Variants in CHD9 observed in about 807,000 individuals in gnomAD.
The protein encoded by CHD9 is ATP-dependent chromatin remodeler CHD9.
Under a neutral mutation model 316.1 loss-of-function variants are expected in CHD9, and 77 were observed. The ratio of observed to expected loss-of-function variants is 0.24; its 90% CI spans 0.20 to 0.29. CHD9 has a LOEUF of 0.29. Ranked by LOEUF, CHD9 falls within the 10% of genes least tolerant of loss-of-function variation. The pLI, the probability that CHD9 is intolerant of heterozygous loss-of-function variation, is 1.00. For synonymous variants in CHD9, 1,129 were observed against 1,158.3 expected, an observed-to-expected ratio of 0.97 and a Z score of 0.51; for missense variants, 2,763 against 3,438.1, an observed-to-expected ratio of 0.80 and a Z score of 4.91.
chr16:53,256,610 A>G (rs1043632487), intron 19 of CHD9, among the ~76,000 whole-genome samples: 1 of 148,568 alleles, frequency 6.7e-6, no homozygotes, highest in Non-Finnish European at 1.5e-5. Context: ...GGCATGAGCC[A>G]CCATGCCTGG....
At chr16:53,167,009 C>T (rs1289285216) in intron 2 of CHD9, among the ~76,000 whole-genome samples, 1 of 141,382 alleles carries the variant, frequency 7.1e-6, no homozygotes, top group Non-Finnish European at 1.6e-5. Context: ...CTTGCTGTCA[C>T]ATAACTAGTT....
chr16:53,067,341 C>T (rs1017442716), intron 1 of CHD9, among the ~76,000 whole-genome samples: 1 of 152,130 alleles, frequency 6.6e-6, no homozygotes, highest in Non-Finnish European at 1.5e-5. Flanking sequence ...GATATTGATA[C>T]ATTATTATTA....
chr16:53,067,456 T>A (rs2033628607), intron 1 of CHD9, among the ~76,000 whole-genome samples: 1 of 152,192 alleles, frequency 6.6e-6, no homozygotes, highest in Non-Finnish European at 1.5e-5. Context: ...TCTTTTTTTT[T>A]ATACCAACAA....
intron 1 of CHD9, among the ~76,000 whole-genome samples, chr16:53,108,736 A>G (rs748140395): frequency 2.0e-5 from 3 of 151,370 alleles, no homozygotes; most frequent in Non-Finnish European, 1.5e-5. Flanking sequence ...TTAGCCAGGC[A>G]TGGTGGTGGG....
intron 27 of CHD9, 65 bp from the exon 28 acceptor site, chr16:53,291,660 T>G: frequency 1.8e-6 from 2 of 1,108,002 alleles, no homozygotes. Flanking sequence ...TTTGATTCTC[T>G]TTTCTTTTTT....
chr16:53,266,638 C>G (rs2051727268), intron 20 of CHD9, among the ~76,000 whole-genome samples: 1 of 152,148 alleles, frequency 6.6e-6, no homozygotes, highest in South Asian at 2.1e-4. Flanking sequence ...ACTTTGGATT[C>G]CTTATGAGTA....
At chr16:53,308,058 T>A in intron 33 of CHD9, 105 bp downstream of exon 33, 1 of 952,462 alleles carries the variant, frequency 1.0e-6, no homozygotes, top group Non-Finnish European at 1.5e-6. Context: ...TTCACATACC[T>A]GTTTCTTGGT....
chr16:53,145,914 T>G (rs564833608), intron 1 of CHD9, among the ~76,000 whole-genome samples: 2 of 152,226 alleles, frequency 1.3e-5, no homozygotes, highest in South Asian at 4.1e-4. Context: ...ACATGCTAGC[T>G]ACAACATGGA....
At chr16:53,143,134 CTG>C (rs2040255203) in intron 1 of CHD9, among the ~76,000 whole-genome samples, 1 of 152,150 alleles carries the variant, frequency 6.6e-6, no homozygotes. Context: ...CCTCGAAACA[CTG>C]TTGCTTTGAG....
chr16:53,255,654 G>A lies in CHD9; in HGVS notation c.4084G>A (p.Gly1362Ser). 1.9e-6 allele frequency: 3 copies of A among 1,613,834 alleles called. No homozygotes were observed. Among genetic ancestry groups the A allele is most frequent in the Non-Finnish European group, 2.5e-6 (3 of 1,179,780 alleles). The change falls in exon 19 of 39, where the codon GGT (glycine) becomes AGT (serine). Residue 1362 changes from glycine (G) to serine (S), a missense_variant. Physicochemically the swap from Gly to Ser is moderately conservative, Grantham distance 56. Coordinates refer to ENST00000447540, the MANE Select transcript of CHD9 (RefSeq NM_001308319.2). Reference protein sequence around the residue: ...IEDLLRRGAYGAIMEEEDEGS... With the variant: ...IEDLLRRGAYSAIMEEEDEGS... Reference sequence around the variant, plus strand: ...AGATCTGCTTCGAAGAGGTGCTTATGGTGCTATTATGGAGGAAGAAGATGA... The same window carrying A: ...AGATCTGCTTCGAAGAGGTGCTTATAGTGCTATTATGGAGGAAGAAGATGA...
intron 2 of CHD9, among the ~76,000 whole-genome samples, chr16:53,160,128 T>G (rs991368140): frequency 6.6e-6 from 1 of 152,222 alleles, no homozygotes; most frequent in Non-Finnish European, 1.5e-5. Flanking sequence ...CTTAGGTGCA[T>G]CTATCTACTT....
At chr16:53,251,402 C>T (rs377242821) in intron 17 of CHD9, among the ~76,000 whole-genome samples, 1 of 152,170 alleles carries the variant, frequency 6.6e-6, no homozygotes, top group African/African-American at 2.4e-5. Context: ...ATTTCTCCCT[C>T]TCACTTGTTT....
At position 53,157,542 on chromosome 16, in the gene CHD9, G is replaced by T; in HGVS notation, c.1452+1G>T. 6.2e-7 allele frequency: 1 copy of T among 1,603,386 alleles called. No individual in the cohort carries two copies. Among genetic ancestry groups the T allele is most frequent in the Non-Finnish European group, 8.5e-7 (1 of 1,172,654 alleles). On this transcript the variant is annotated splice_donor_variant, in intron 2 of 38. Transcript: ENST00000447540. LOFTEE classifies it high-confidence loss of function. ...AAATCACCTATGTTTACAGCGACAG[G>T]TATGTAGCTCTTTGCTTTTATTTTG...
chr16:53,136,601 G>A (rs2039729252), intron 1 of CHD9, among the ~76,000 whole-genome samples: 1 of 151,424 alleles, frequency 6.6e-6, no homozygotes, highest in African/African-American at 2.4e-5. Flanking sequence ...CAGACTTGGT[G>A]TAGTCTGTTT....
Position 53,232,366 on chromosome 16 carries a change from A to G in CHD9, c.2511+582A>G, listed in dbSNP as rs78738606. On this transcript the variant is annotated intron_variant, in intron 10 of 38. Transcript: ENST00000447540. ...TCTTTAGATAAGTGATTCTCAGTCA[A>G]AGGTGCATATCAGAATCTCTTCTGG... Among the ~76,000 whole-genome samples, 41 of 152,246 alleles carry G rather than the reference A, an allele frequency of 2.7e-4. No individual in the cohort carries two copies. The East Asian group carries it at 7.7e-3, about 29-fold the overall frequency.
chr16:53,312,900 T>G (rs773916116), intron 34 of CHD9, among the ~76,000 whole-genome samples: 1 of 152,180 alleles, frequency 6.6e-6, no homozygotes, highest in Non-Finnish European at 1.5e-5. Flanking sequence ...GGAAATGCAT[T>G]TTTCATTATA....
chr16:53,086,811 T>C (rs556962201), intron 1 of CHD9, among the ~76,000 whole-genome samples: 2 of 152,338 alleles, frequency 1.3e-5, no homozygotes, highest in African/African-American at 2.4e-5. Flanking sequence ...ATTGTATCTA[T>C]ATCTCCACCC....
At chr16:53,306,843 A>G (rs2056026163) in intron 32 of CHD9, among the ~76,000 whole-genome samples, 2 of 152,088 alleles carry the variant, frequency 1.3e-5, no homozygotes, top group Non-Finnish European at 2.9e-5. Context: ...ACAGTGGCAC[A>G]ATCTCAGCTC....
Position 53,135,405 on chromosome 16 carries a change from A to G in CHD9, c.-164-20521A>G, listed in dbSNP as rs2039640158. On this transcript the variant is annotated intron_variant, in intron 1 of 38. Coordinates refer to ENST00000447540, the MANE Select transcript of CHD9 (RefSeq NM_001308319.2). ...GAAAGGCAAGGGTGAAAGTAAAGAT[A>G]TTGTAATACTACAGTAGTCCAGGAA... Among the ~76,000 whole-genome samples the G allele has an allele frequency of 2.0e-5, 3 of 152,206 alleles. 1 individual carries two copies. The South Asian group carries it at 6.2e-4, about 31-fold the overall frequency.
Sources: allele counts gnomAD v4.1 joint callset (sites outside exome capture counted in the v4.1 genomes callset), GRCh38; gene constraint gnomAD v4.1.1; transcripts MANE v1.5; gene names NCBI Gene and HGNC (gene_info 2026-07-23, HGNC 2026-07-21).